LRP1B: variants seen among roughly 807,000 people sequenced by gnomAD.
The protein encoded by LRP1B is low-density lipoprotein receptor-related protein 1B.
Under a neutral mutation model 556.6 loss-of-function variants are expected in LRP1B, and 217 were observed. The ratio of observed to expected loss-of-function variants is 0.39; its 90% CI spans 0.35 to 0.44. The LOEUF is 0.44. Among genes scored for constraint, LRP1B ranks in the 20% least tolerant of loss-of-function variants. The pLI is 1.00. For missense variants in LRP1B, 5,053 were observed against 5,620.8 expected (o/e 0.90, Z 3.23); for synonymous variants, 2,047 against 1,865.8 (o/e 1.10, Z -2.50).
chr2:140,248,352 T>C (rs1681258241), intron 86 of LRP1B, among the ~76,000 whole-genome samples: 1 of 151,538 alleles, frequency 6.6e-6, no homozygotes, highest in Admixed American at 6.6e-5. Context: ...TAGATAAGAG[T>C]TATTTAATTA....
At chr2:140,784,389 C>T (rs905594896) in intron 32 of LRP1B, among the ~76,000 whole-genome samples, 6 of 147,134 alleles carry the variant, frequency 4.1e-5, no homozygotes, top group Non-Finnish European at 7.6e-5. Flanking sequence ...CACACACACA[C>T]ACACACACAC....
intron 15 of LRP1B, among the ~76,000 whole-genome samples, chr2:140,997,793 G>A (rs1353072358): frequency 6.6e-6 from 1 of 151,920 alleles, no homozygotes; most frequent in Non-Finnish European, 1.5e-5. Context: ...ATGAAGTTGT[G>A]GTTTGCTGGA....
At chr2:141,666,784 G>A (rs971559312) in intron 2 of LRP1B, among the ~76,000 whole-genome samples, 19 of 152,164 alleles carry the variant, frequency 1.2e-4, no homozygotes, top group Admixed American at 4.6e-4. Context: ...TTATGTATAC[G>A]TCTCCAGCAG....
chr2:140,956,390 TG>T (rs1423571118), intron 18 of LRP1B, among the ~76,000 whole-genome samples: 1 of 151,808 alleles, frequency 6.6e-6, no homozygotes, highest in Non-Finnish European at 1.5e-5. Context: ...TAGAAAGATT[TG>T]GGAAGGAATT....
At position 140,770,938 on chromosome 2, in the gene LRP1B, T is replaced by C. The variant is rs948457132; in HGVS notation, c.5569A>G (p.Arg1857Gly). 1.3e-6 allele frequency: 2 copies of C among 1,589,140 alleles called. No homozygotes were observed. The highest frequency in any genetic ancestry group is 1.7e-6 in the Non-Finnish European group (2 of 1,170,066). The stretch of plus-strand genomic sequence containing the variant: ...TATCCCACTGTACACATACAAGTCC[T>C]TGTAGTTTCAGATGTTGGTAAACAA... ...QLCLPTSETT[R>G]TCMCTVGYYL... is the part of the protein sequence containing the mutation. The change falls in exon 34 of 91, where the codon AGG becomes GGG. Residue 1857 changes from arginine to glycine, a missense_variant. Physicochemically the swap from Arg to Gly is moderately radical, Grantham distance 125 (BLOSUM62 -2). This residue lies in a region of LRP1B where 3,619 missense variants were observed against 3,931.9 expected (regional missense o/e 0.92). Coordinates refer to ENST00000389484, the MANE Select transcript of LRP1B (RefSeq NM_018557.3).
At chr2:141,476,649 T>C (rs941945149) in intron 3 of LRP1B, among the ~76,000 whole-genome samples, 1 of 152,188 alleles carries the variant, frequency 6.6e-6, no homozygotes, top group African/African-American at 2.4e-5. Context: ...ATAATAGATA[T>C]CTTTTCATTA....
chr2:140,338,824 AAAAC>A (rs1186750551), intron 77 of LRP1B, among the ~76,000 whole-genome samples: 1 of 151,682 alleles, frequency 6.6e-6, no homozygotes, highest in African/African-American at 2.4e-5. Context: ...ATCATGAAGC[AAAAC>A]AAACAAGCAT....
intron 86 of LRP1B, among the ~76,000 whole-genome samples, chr2:140,268,092 A>G (rs1197316751): frequency 6.6e-6 from 1 of 151,970 alleles, no homozygotes; most frequent in East Asian, 1.9e-4. Context: ...AGAATTAGTG[A>G]GACAGGGGCA....
intron 29 of LRP1B, among the ~76,000 whole-genome samples, chr2:140,848,537 A>T (rs892941132): frequency 6.6e-6 from 1 of 152,206 alleles, no homozygotes. Flanking sequence ...AGTGAATAAA[A>T]TCTACACTTC....
At chr2:141,233,718 C>T (rs1360450490) in intron 5 of LRP1B, among the ~76,000 whole-genome samples, 2 of 151,928 alleles carry the variant, frequency 1.3e-5, no homozygotes, top group East Asian at 3.9e-4. Context: ...TGTATAAAAA[C>T]TTGTCATTTT....
chr2:140,672,974 C>T (rs1361945904), intron 41 of LRP1B, among the ~76,000 whole-genome samples: 2 of 152,196 alleles, frequency 1.3e-5, no homozygotes, highest in Non-Finnish European at 2.9e-5. Flanking sequence ...CTTCTTTCTT[C>T]TGAGGCACTA....
intron 60 of LRP1B, among the ~76,000 whole-genome samples, chr2:140,464,933 G>A (rs1484976690): frequency 2.6e-5 from 4 of 152,148 alleles, no homozygotes; most frequent in Admixed American, 1.3e-4. Flanking sequence ...TAAAAACGTA[G>A]AAGAGTGTAA....
At chr2:141,394,544 AG>A (rs1690171500) in intron 3 of LRP1B, among the ~76,000 whole-genome samples, 1 of 152,142 alleles carries the variant, frequency 6.6e-6, no homozygotes, top group Non-Finnish European at 1.5e-5. Context: ...CAACAGGGGT[AG>A]AATCACCCAG....
chr2:140,266,859 A>C (rs13407478), intron 86 of LRP1B, among the ~76,000 whole-genome samples: 5,589 of 152,036 alleles, frequency 0.037, 358 homozygotes, highest in African/African-American at 0.13. Context: ...TGATATTTTA[A>C]TTTTCTAAAA....
rs1689212982 is a variant in LRP1B at position 140,501,885 on chromosome 2, A to C, written c.8663-11T>G. 6.3e-7 allele frequency: 1 copy of C among 1,581,376 alleles called. No individual in the cohort carries two copies. Among genetic ancestry groups the C allele is most frequent in the Admixed American group, 1.8e-5 (1 of 55,578 alleles). On this transcript the variant is annotated splice_polypyrimidine_tract_variant and intron_variant, in intron 54 of 90. Transcript: ENST00000389484. ...TGTTGCATGACTGTTCTGGAAAAAA[A>C]ATAAAACAAATGGAACATAAAGGGC... is the stretch of plus-strand genomic sequence containing the variant.
At chr2:141,153,848 A>G (rs772598219) in intron 7 of LRP1B, among the ~76,000 whole-genome samples, 4 of 151,304 alleles carry the variant, frequency 2.6e-5, no homozygotes, top group Non-Finnish European at 5.9e-5. Flanking sequence ...AGGATGGGAA[A>G]CAATAAGGAA....
chr2:140,280,187 C>G (rs1682856259), intron 84 of LRP1B, among the ~76,000 whole-genome samples: 1 of 151,758 alleles, frequency 6.6e-6, no homozygotes, highest in South Asian at 2.1e-4. Flanking sequence ...CACAACCACT[C>G]AACTCACACT....
At chr2:141,688,225 C>A (rs1312193091) in intron 2 of LRP1B, among the ~76,000 whole-genome samples, 4 of 151,696 alleles carry the variant, frequency 2.6e-5, no homozygotes, top group Non-Finnish European at 5.9e-5. Flanking sequence ...CACACACACC[C>A]CTATTCTCAC....
At chr2:140,724,504 A>T (rs1687520202) in intron 35 of LRP1B, among the ~76,000 whole-genome samples, 1 of 152,172 alleles carries the variant, frequency 6.6e-6, no homozygotes, top group African/African-American at 2.4e-5. Flanking sequence ...AAATAAAGAC[A>T]ACAGTGCTCT....
Sources: gnomAD v4.1 joint callset for allele counts (sites outside exome capture counted in the v4.1 genomes callset) on GRCh38, gnomAD v4.1.1 for gene constraint, gnomAD v4.1.1 regional missense constraint, MANE v1.5 for transcripts, NCBI Gene and HGNC (gene_info 2026-07-23, HGNC 2026-07-21) for gene names.